Variants in NRXN1 observed in about 807,000 individuals in gnomAD.
NRXN1 encodes the protein neurexin-1.
A neutral mutation model predicts 150.9 loss-of-function variants in NRXN1; 39 were observed. The observed-to-expected ratio is 0.26, with a 90% CI of 0.20 to 0.34. The LOEUF (loss-of-function observed/expected upper bound fraction) is 0.34, where lower values mean the gene tolerates loss of function less well. Ranked by LOEUF, NRXN1 falls within the 10% of genes least tolerant of loss-of-function variation. NRXN1 has a pLI of 1.00. For missense variants in NRXN1, 1,815 were observed against 1,949.9 expected, an observed-to-expected ratio of 0.93 and a Z score of 1.30; for synonymous variants, 924 against 757.0, an observed-to-expected ratio of 1.22 and a Z score of -3.62.
intron 2 of NRXN1, among the ~76,000 whole-genome samples, chr2:50,951,828 T>C (rs756105931): frequency 2.7e-4 from 41 of 151,390 alleles, no homozygotes; most frequent in Non-Finnish European, 4.9e-4. Flanking sequence ...ATTACCATTA[T>C]GGAATTATAG....
chr2:50,034,489 G>C (rs1464893021), intron 21 of NRXN1, among the ~76,000 whole-genome samples: 1 of 151,936 alleles, frequency 6.6e-6, no homozygotes, highest in Non-Finnish European at 1.5e-5. Context: ...CCGGGACCTA[G>C]TGGAGGGTGG....
At chr2:50,761,085 C>T (rs554096519) in intron 5 of NRXN1, among the ~76,000 whole-genome samples, 84 of 152,130 alleles carry the variant, frequency 5.5e-4, no homozygotes, top group Admixed American at 1.3e-3. Flanking sequence ...GTCTCTCTAT[C>T]GCCTTGAAGG....
intron 2 of NRXN1, among the ~76,000 whole-genome samples, chr2:50,993,274 G>C (rs1311969293): frequency 2.0e-5 from 3 of 151,876 alleles, no homozygotes; most frequent in Non-Finnish European, 4.4e-5. Flanking sequence ...AATGAGAATG[G>C]AGACCGAAAT....
intron 2 of NRXN1, among the ~76,000 whole-genome samples, chr2:50,999,836 C>G (rs546651622): frequency 1.3e-5 from 2 of 152,012 alleles, no homozygotes; most frequent in Non-Finnish European, 2.9e-5. Flanking sequence ...CCTCCACTAC[C>G]ACCCTAGTCC....
intron 5 of NRXN1, among the ~76,000 whole-genome samples, chr2:50,740,313 G>C (rs573604267): frequency 2.9e-4 from 44 of 152,240 alleles, no homozygotes; most frequent in Non-Finnish European, 4.7e-4. Context: ...TTATGGGAAA[G>C]GTTCTCATTT....
chr2:50,066,853 A>G (rs932746329), intron 19 of NRXN1, among the ~76,000 whole-genome samples: 15 of 152,214 alleles, frequency 9.9e-5, no homozygotes, highest in African/African-American at 3.6e-4. Flanking sequence ...TATTATTGAT[A>G]CTGCATGTAT....
rs559021626 is a variant in NRXN1, at chr2:50,101,948, C to A, written c.3547-10454G>T. 3.3e-5 allele frequency among the ~76,000 whole-genome samples: 5 copies of A among 152,016 alleles called. No individual in the cohort carries two copies. The East Asian group carries it at 9.7e-4, about 29-fold the overall frequency. On this transcript the variant is annotated intron_variant, in intron 18 of 22. Transcript: ENST00000401669. ...CTGACAGTGCTAACTTTTTTCTTTT[C>A]GTTTTCTCTTTCTTATTGACTTCTA...
chr2:50,525,944 A>G (rs894355219), intron 12 of NRXN1, among the ~76,000 whole-genome samples: 5 of 152,190 alleles, frequency 3.3e-5, no homozygotes, highest in African/African-American at 1.2e-4. Flanking sequence ...CTGCATCTAA[A>G]CTACTGACAC....
At chr2:50,037,261 G>T (rs1690185328) in intron 21 of NRXN1, among the ~76,000 whole-genome samples, 1 of 151,208 alleles carries the variant, frequency 6.6e-6, no homozygotes, top group Non-Finnish European at 1.5e-5. Flanking sequence ...TCAGTTTCTG[G>T]GCTTCTTTTT....
At position 50,346,904 on chromosome 2, in the gene NRXN1, C is replaced by A; in HGVS notation, c.3365-109934G>T. The A allele has an allele frequency of 7.8e-7, 1 of 1,283,928 alleles. No homozygotes were observed. The highest frequency in any genetic ancestry group is 9.8e-7 in the Non-Finnish European group (1 of 1,017,190). 79.5% of individuals were successfully genotyped at this position (1,283,928 alleles called of 1,614,324 possible). On this transcript the variant is annotated intron_variant, in intron 17 of 22. Coordinates refer to ENST00000401669, the MANE Select transcript of NRXN1 (RefSeq NM_001330078.2). The surrounding 1 kb of genome is among the most constrained non-coding windows in gnomAD (Gnocchi z 5.0). ...CCGCCGCCGCCGCCGCCGCCGCCCC[C>A]GGGCGAGCCCAGCTCGGCGCCGCAC...
chr2:50,150,815 G>A (rs1411517376), intron 18 of NRXN1, among the ~76,000 whole-genome samples: 15 of 151,594 alleles, frequency 9.9e-5, no homozygotes, highest in African/African-American at 3.1e-4. Context: ...TACACCCCTG[G>A]CCAGAGTTGG....
chr2:50,821,227 G>A (rs1669672558), intron 5 of NRXN1, among the ~76,000 whole-genome samples: 1 of 152,112 alleles, frequency 6.6e-6, no homozygotes, highest in South Asian at 2.1e-4. Context: ...AGCCCAGGAT[G>A]GTTTTGAATG....
chr2:50,825,975 G>A (rs953282609), intron 5 of NRXN1, among the ~76,000 whole-genome samples: 4 of 152,348 alleles, frequency 2.6e-5, no homozygotes, highest in African/African-American at 9.6e-5. Flanking sequence ...GCAAGAGTAG[G>A]AAAGCCACTT....
chr2:50,533,702 C>T (rs1390811853), intron 10 of NRXN1, among the ~76,000 whole-genome samples: 1 of 152,166 alleles, frequency 6.6e-6, no homozygotes, highest in African/African-American at 2.4e-5. Flanking sequence ...TCTCTCTGGC[C>T]TCAGCTTTAA....
rs1384890110 is a variant in NRXN1 at position 50,347,158 on chromosome 2, A to G, written c.3365-110188T>C. Reference sequence around the variant, plus strand: ...TAGCACCCCAAACAATCCGAAACATAGCCGAGGCGAATGCAGCTGGAGAGG... The same window carrying G: ...TAGCACCCCAAACAATCCGAAACATGGCCGAGGCGAATGCAGCTGGAGAGG... On this transcript the variant is annotated intron_variant, in intron 17 of 22. Transcript: ENST00000401669. This position sits in a 1 kb window ranked among gnomAD's most constrained non-coding sequence, Gnocchi z 4.9. The G allele has an allele frequency of 7.3e-7, 1 of 1,370,130 alleles. No individual in the cohort carries two copies. Among genetic ancestry groups the G allele is most frequent in the African/African-American group, 1.5e-5 (1 of 67,984 alleles). The allele number at this position is 1,370,130 out of a possible 1,614,324, so 84.9% of individuals were successfully genotyped here. A position where few individuals can be genotyped will look rare whatever the true frequency, so the allele number is the denominator to read the frequency against.
At chr2:50,282,431 C>A (rs1272916236) in intron 17 of NRXN1, among the ~76,000 whole-genome samples, 1 of 152,110 alleles carries the variant, frequency 6.6e-6, no homozygotes, top group African/African-American at 2.4e-5. Context: ...AAATCTTTTT[C>A]AACCAAATTC....
intron 8 of NRXN1, chr2:50,615,666 T>A (rs1173778262): frequency 6.6e-6 from 1 of 152,096 alleles, no homozygotes; most frequent in East Asian, 1.9e-4. Flanking sequence ...TTAAAATATA[T>A]CTAGTGAGCA....
intron 5 of NRXN1, among the ~76,000 whole-genome samples, chr2:50,666,174 G>C (rs1250742273): frequency 6.6e-6 from 1 of 151,652 alleles, no homozygotes; most frequent in Non-Finnish European, 1.5e-5. Flanking sequence ...TTTTTGCCTG[G>C]TTTCTGTCAC....
intron 5 of NRXN1, among the ~76,000 whole-genome samples, chr2:50,715,044 G>T (rs562115447): frequency 6.6e-6 from 1 of 152,144 alleles, no homozygotes; most frequent in East Asian, 1.9e-4. Context: ...CTGTTTACTG[G>T]TAAACATGGT....
Sources: allele counts gnomAD v4.1 joint callset (sites outside exome capture counted in the v4.1 genomes callset), GRCh38; gene constraint gnomAD v4.1.1; non-coding constraint Gnocchi (gnomAD v3.1); transcripts MANE v1.5; gene names NCBI Gene and HGNC (gene_info 2026-07-23, HGNC 2026-07-21).